The following SH3RF3 variants were observed in gnomAD, a reference collection of about 807,000 sequenced individuals.
SH3RF3 encodes the protein E3 ubiquitin-protein ligase SH3RF3.
Under a neutral mutation model 66.3 loss-of-function variants are expected in SH3RF3, and 29 were observed. The observed-to-expected ratio is 0.44, with a 90% CI of 0.33 to 0.60. The LOEUF (loss-of-function observed/expected upper bound fraction) is 0.60, where lower values mean the gene tolerates loss of function less well. SH3RF3 is among the 20% of genes least tolerant of loss of function. SH3RF3 has a pLI of 0.04. For synonymous variants in SH3RF3, 583 were observed against 532.0 expected, an observed-to-expected ratio of 1.10 and a Z score of -1.32; for missense variants, 1,194 against 1,190.9, an observed-to-expected ratio of 1.00 and a Z score of -0.04.
At chr2:109,208,069 G>A (rs1356153729) in intron 1 of SH3RF3, among the ~76,000 whole-genome samples, 2 of 152,034 alleles carry the variant, frequency 1.3e-5, no homozygotes, top group Non-Finnish European at 2.9e-5. Flanking sequence ...AAATATTTAC[G>A]GAATGCCTGT....
chr2:109,281,495 G>C (rs1385156999), intron 1 of SH3RF3, among the ~76,000 whole-genome samples: 1 of 152,186 alleles, frequency 6.6e-6, no homozygotes, highest in Non-Finnish European at 1.5e-5. Flanking sequence ...TTCTGACTCT[G>C]TGGGTGCCTT....
intron 3 of SH3RF3, among the ~76,000 whole-genome samples, chr2:109,374,611 G>T (rs897844289): frequency 6.6e-6 from 1 of 152,202 alleles, no homozygotes; most frequent in African/African-American, 2.4e-5. Flanking sequence ...CAGGCAGCCG[G>T]CACAGTCCCG....
intron 1 of SH3RF3, among the ~76,000 whole-genome samples, chr2:109,242,837 T>C (rs191223124): frequency 3.9e-5 from 6 of 152,184 alleles, no homozygotes; most frequent in Non-Finnish European, 7.4e-5. Context: ...AATAGAGCAA[T>C]AGGGCCTTTT....
intron 3 of SH3RF3, among the ~76,000 whole-genome samples, chr2:109,387,312 T>C (rs945150328): frequency 1.2e-4 from 19 of 152,206 alleles, no homozygotes; most frequent in African/African-American, 4.3e-4. Flanking sequence ...GGGGATCCTG[T>C]TGTGTCCCTG....
At chr2:109,285,124 G>A (rs1296880991) in intron 1 of SH3RF3, among the ~76,000 whole-genome samples, 1 of 152,242 alleles carries the variant, frequency 6.6e-6, no homozygotes, top group East Asian at 1.9e-4. Context: ...AGAGCCCAGG[G>A]TCTGGAGTAG....
At chr2:109,147,295 C>G (rs1161031750) in intron 1 of SH3RF3, among the ~76,000 whole-genome samples, 1 of 151,868 alleles carries the variant, frequency 6.6e-6, no homozygotes, top group African/African-American at 2.4e-5. Context: ...GTGCTGCTCT[C>G]TCTCTATCAG....
chr2:109,207,090 T>C (rs1470110638), intron 1 of SH3RF3, among the ~76,000 whole-genome samples: 1 of 152,162 alleles, frequency 6.6e-6, no homozygotes, highest in Non-Finnish European at 1.5e-5. Flanking sequence ...CTTAGTGCGC[T>C]CAAGAAGAAG....
At chr2:109,280,015 G>A (rs553187205) in intron 1 of SH3RF3, among the ~76,000 whole-genome samples, 112 of 152,306 alleles carry the variant, frequency 7.4e-4, no homozygotes, top group Non-Finnish European at 9.3e-4. Context: ...GCCCCAGGGT[G>A]GGAGTAGAGG....
At chr2:109,253,685 T>C (rs758967665) in intron 1 of SH3RF3, among the ~76,000 whole-genome samples, 1 of 152,160 alleles carries the variant, frequency 6.6e-6, no homozygotes, top group African/African-American at 2.4e-5. Context: ...TGGAAAGGAA[T>C]TTGGCTGTCT....
chr2:109,478,718 C>T (rs1003747089), intron 8 of SH3RF3, among the ~76,000 whole-genome samples: 2 of 152,000 alleles, frequency 1.3e-5, no homozygotes, highest in African/African-American at 2.4e-5. Flanking sequence ...AGTCTGAGCT[C>T]GTAGGTAAGA....
Position 109,436,971 on chromosome 2 carries a change from C to T in SH3RF3, c.1653C>T (p.Thr551=), listed in dbSNP as rs1279864647. ...GSPLAKGITT[T]MHPGSGSLSS... The stretch of plus-strand genomic sequence containing the variant: ...CACTGGCCAAAGGGATAACCACAAC[C>T]ATGCACCCAGGCAGTGGGAGTCTGA... Residue 551 remains threonine, a synonymous_variant, in exon 7 of 10, where the codon ACC becomes ACT. Coordinates refer to ENST00000309415, the MANE Select transcript of SH3RF3 (RefSeq NM_001099289.3). 3.7e-6 allele frequency: 6 copies of T among 1,613,900 alleles called. No homozygotes were observed. The South Asian group carries it at 5.5e-5, about 15-fold the overall frequency.
rs188781333 is a variant in SH3RF3, at chr2:109,501,270, G to A, written c.2481-233G>A. On this transcript the variant is annotated intron_variant, in intron 9 of 9. Coordinates refer to ENST00000309415, the MANE Select transcript of SH3RF3 (RefSeq NM_001099289.3). ...GGGAGTGAAACAGTCCAGCTTCTTCGTAGATCAGCGTCTAAAAGGACAGCA... is the reference window on the plus strand; with the variant it reads ...GGGAGTGAAACAGTCCAGCTTCTTCATAGATCAGCGTCTAAAAGGACAGCA... Among the ~76,000 whole-genome samples, 797 of 152,280 alleles carry A rather than the reference G, an allele frequency of 5.2e-3. 4 individuals are homozygous for A. The highest frequency in any genetic ancestry group is 8.2e-3 in the Non-Finnish European group (555 of 68,028).
chr2:109,253,040 A>T (rs76556488), intron 1 of SH3RF3, among the ~76,000 whole-genome samples: 2,994 of 149,740 alleles, frequency 0.02, 104 homozygotes, highest in African/African-American at 0.069. Flanking sequence ...CTTTTTTTTT[A>T]TTTAAGAGCT....
chr2:109,258,772 CT>C (rs1244005872), intron 1 of SH3RF3, among the ~76,000 whole-genome samples: 1 of 152,242 alleles, frequency 6.6e-6, no homozygotes, highest in Non-Finnish European at 1.5e-5. Flanking sequence ...GCCTGCACTG[CT>C]GTTGTCCTTC....
intron 4 of SH3RF3, among the ~76,000 whole-genome samples, chr2:109,405,337 G>A (rs1037546931): frequency 3.3e-5 from 5 of 151,996 alleles, no homozygotes; most frequent in Admixed American, 2.0e-4. Flanking sequence ...CTTCGTCTTC[G>A]CTAATACCCT....
At chr2:109,422,884 G>A (rs564503834) in intron 5 of SH3RF3, among the ~76,000 whole-genome samples, 26 of 152,168 alleles carry the variant, frequency 1.7e-4, no homozygotes, top group Non-Finnish European at 2.2e-4. Flanking sequence ...GGAGCCATCC[G>A]AGATGTCCTG....
chr2:109,179,221 C>T (rs1678010693), intron 1 of SH3RF3, among the ~76,000 whole-genome samples: 2 of 152,168 alleles, frequency 1.3e-5, no homozygotes, highest in Non-Finnish European at 1.5e-5. Flanking sequence ...TTAGGTTCTA[C>T]TTCCTGTTCT....
intron 3 of SH3RF3, among the ~76,000 whole-genome samples, chr2:109,376,233 C>A (rs894082514): frequency 2.0e-5 from 3 of 152,248 alleles, no homozygotes; most frequent in South Asian, 2.1e-4. Flanking sequence ...GAAGGCAGGG[C>A]AGTTTCCTGC....
At chr2:109,264,050 A>G (rs1409242501) in intron 1 of SH3RF3, among the ~76,000 whole-genome samples, 1 of 152,214 alleles carries the variant, frequency 6.6e-6, no homozygotes, top group Admixed American at 6.5e-5. Flanking sequence ...TTGCAAAACC[A>G]TCTGGGCTGT....
Sources: allele counts gnomAD v4.1 joint callset (sites outside exome capture counted in the v4.1 genomes callset), GRCh38; gene constraint gnomAD v4.1.1; transcripts MANE v1.5; gene names NCBI Gene and HGNC (gene_info 2026-07-23, HGNC 2026-07-21).